TRIM42: variants seen among roughly 807,000 people sequenced by gnomAD.
The protein encoded by TRIM42 is tripartite motif-containing protein 42.
Under a neutral mutation model 64.9 loss-of-function variants are expected in TRIM42, and 59 were observed. The observed-to-expected ratio is 0.91, with a 90% CI of 0.74 to 1.13. TRIM42 has a LOEUF of 1.13. Ranked by LOEUF, TRIM42 falls within the 50% of genes most tolerant of loss-of-function variation. The pLI, the probability that TRIM42 is intolerant of heterozygous loss-of-function variation, is 0.00. For synonymous variants in TRIM42, 354 were observed against 346.3 expected (o/e 1.02, Z -0.25); for missense variants, 878 against 929.5 (o/e 0.94, Z 0.72).
intron 4 of TRIM42, 59 bp downstream of exon 4, chr3:140,691,251 G>A (rs1303587795): frequency 7.3e-7 from 1 of 1,371,250 alleles, no homozygotes; most frequent in Admixed American, 1.7e-5. Context: ...TCTGGATGAG[G>A]CCCTGTTAAG....
chr3:140,697,802 G>A (rs1024776393), intron 4 of TRIM42, among the ~76,000 whole-genome samples: 3 of 152,192 alleles, frequency 2.0e-5, no homozygotes, highest in African/African-American at 7.2e-5. Context: ...TCCTGCCTCA[G>A]CCTCCCTAGT....
In TRIM42 at chr3:140,688,219, G is replaced by A; in HGVS notation, c.1537G>A (p.Glu513Lys). ...SLPSPYPVHS[E>K]TMIARKVTFS... ...GCCCTCCCCCTACCCCGTGCACTCA[G>A]AAACAATGATTGCCAGGAAGGTCAC... is the stretch of plus-strand genomic sequence containing the variant. The change falls in exon 3 of 5, where the codon GAA (glutamate) becomes AAA (lysine). Residue 513 changes from glutamate (E) to lysine (K), a missense_variant. By Grantham distance (56) the Glu-to-Lys change is moderately conservative (BLOSUM62 1). Coordinates refer to ENST00000286349, the MANE Select transcript of TRIM42 (RefSeq NM_152616.5). The A allele has an allele frequency of 6.2e-7, 1 of 1,614,178 alleles. No individual in the cohort carries two copies. The highest frequency in any genetic ancestry group is 8.5e-7 in the Non-Finnish European group (1 of 1,180,034).
At position 140,678,143 on chromosome 3, in the gene TRIM42, G is replaced by T. The variant is rs1559933693; in HGVS notation, c.-87G>T. 8.2e-7 allele frequency: 1 copy of T among 1,222,662 alleles called. No homozygotes were observed. Among genetic ancestry groups the T allele is most frequent in the Non-Finnish European group, 1.2e-6 (1 of 852,060 alleles). 75.7% of individuals were successfully genotyped at this position (1,222,662 alleles called of 1,614,324 possible). ...TGACGGCCTCAGGAATGGGAGGAAG[G>T]ACTCCTCCACTGGAGAACTGATAGC... On this transcript the variant is annotated 5_prime_UTR_variant, in exon 1 of 5. Coordinates refer to ENST00000286349, the MANE Select transcript of TRIM42 (RefSeq NM_152616.5).
rs1324405816 is a variant in TRIM42 at position 140,682,928 on chromosome 3, G to A, written c.808G>A (p.Val270Met). 1.2e-6 allele frequency: 2 copies of A among 1,614,124 alleles called. No individual in the cohort carries two copies. Among genetic ancestry groups the A allele is most frequent in the Non-Finnish European group, 1.7e-6 (2 of 1,180,054 alleles). ...CTGCCTCAAGGCCTTCCACTCGGATGTGGCCATGCAAGACCACGTCTTTGT... is the reference window on the plus strand; with the variant it reads ...CTGCCTCAAGGCCTTCCACTCGGATATGGCCATGCAAGACCACGTCTTTGT... Reference protein sequence around the residue: ...NDCLKAFHSDVAMQDHVFVDT... With the variant: ...NDCLKAFHSDMAMQDHVFVDT... Residue 270 changes from valine to methionine, a missense_variant, in exon 2 of 5, where the codon GTG becomes ATG. Physicochemically the swap from Val to Met is conservative, Grantham distance 21. Transcript: ENST00000286349.
In TRIM42 at chr3:140,678,405, A is replaced by G; in HGVS notation, c.176A>G (p.Glu59Gly). Reference sequence around the variant, plus strand: ...CAGTTCTGCCACTGCACCTGTTCTGAGAGCCCCAACTGCCATTGGTGTTGC... The same window carrying G: ...CAGTTCTGCCACTGCACCTGTTCTGGGAGCCCCAACTGCCATTGGTGTTGC... ...NCQFCHCTCS[E>G]SPNCHWCCCS... The change falls in exon 1 of 5, where the codon GAG becomes GGG. Residue 59 changes from glutamate to glycine, a missense_variant. Glu to Gly is a moderately conservative substitution (Grantham distance 98). Transcript: ENST00000286349. 6.2e-7 allele frequency: 1 copy of G among 1,614,196 alleles called. No homozygotes were observed. Among genetic ancestry groups the G allele is most frequent in the South Asian group, 1.1e-5 (1 of 91,082 alleles).
At chr3:140,699,580 C>A (rs958021217) in intron 4 of TRIM42, among the ~76,000 whole-genome samples, 1 of 152,188 alleles carries the variant, frequency 6.6e-6, no homozygotes, top group Non-Finnish European at 1.5e-5. Flanking sequence ...ATTCACATAT[C>A]ACATACAGTC....
At chr3:140,686,229 T>C (rs1208500404) in intron 2 of TRIM42, among the ~76,000 whole-genome samples, 1 of 152,164 alleles carries the variant, frequency 6.6e-6, no homozygotes, top group Non-Finnish European at 1.5e-5. Context: ...AAGAAAATAA[T>C]GCGCAAAGTA....
intron 4 of TRIM42, among the ~76,000 whole-genome samples, chr3:140,695,070 T>A (rs1342228102): frequency 1.3e-5 from 2 of 151,666 alleles, no homozygotes; most frequent in African/African-American, 4.8e-5. Flanking sequence ...CATGGCAAAA[T>A]CCTGTCTCTA....
chr3:140,696,339 CTATGTTGT>C (rs1988849361), intron 4 of TRIM42, among the ~76,000 whole-genome samples: 1 of 152,220 alleles, frequency 6.6e-6, no homozygotes, highest in Admixed American at 6.5e-5. Context: ...TATGATCCAT[CTATGTTGT>C]TATGGGCATT....
chr3:140,688,284 G>T lies in TRIM42; in HGVS notation c.1602G>T (p.Gln534His). ...GCCTCGGCAACCAGCACATATACCA[G>T]CGAAGCTCCTCCATGTTGTCCTTCA... ...THSLGNQHIYQRSSSMLSFSN... is the reference protein window; with the variant it reads ...THSLGNQHIYHRSSSMLSFSN... Residue 534 changes from glutamine (Q) to histidine (H), a missense_variant, in exon 3 of 5, where the codon CAG becomes CAT. Transcript: ENST00000286349. The T allele has an allele frequency of 1.9e-6, 3 of 1,614,192 alleles. No individual in the cohort carries two copies. The highest frequency in any genetic ancestry group is 2.5e-6 in the Non-Finnish European group (3 of 1,180,034).
At chr3:140,696,970 A>G (rs1988868438) in intron 4 of TRIM42, among the ~76,000 whole-genome samples, 1 of 152,182 alleles carries the variant, frequency 6.6e-6, no homozygotes, top group South Asian at 2.1e-4. Flanking sequence ...TGGGTACTTA[A>G]TTTGACCACA....
intron 4 of TRIM42, among the ~76,000 whole-genome samples, chr3:140,697,531 TGTATGTAC>T (rs1988882629): frequency 6.6e-6 from 1 of 152,226 alleles, no homozygotes; most frequent in African/African-American, 2.4e-5. Flanking sequence ...ATCAAATGTA[TGTATGTAC>T]TCTGCCTATG....
intron 4 of TRIM42, among the ~76,000 whole-genome samples, chr3:140,693,890 G>T (rs1988784699): frequency 1.3e-5 from 2 of 152,118 alleles, no homozygotes; most frequent in Admixed American, 1.3e-4. Flanking sequence ...ATGTCAGATG[G>T]GGTATATTCA....
Position 140,681,657 on chromosome 3 carries a change from A to AT in TRIM42, c.342-805_342-804insT, listed in dbSNP as rs61628796. On this transcript the variant is annotated intron_variant, in intron 1 of 4. Coordinates refer to ENST00000286349, the MANE Select transcript of TRIM42 (RefSeq NM_152616.5). Reference sequence around the variant, plus strand: ...GTCAATGTCCTCCAGGAAAAAAAAAACACTGAGAACACACCTGTAGTTGGA... The same window carrying AT: ...GTCAATGTCCTCCAGGAAAAAAAAAATCACTGAGAACACACCTGTAGTTGGA... 2.0e-3 allele frequency among the ~76,000 whole-genome samples: 301 copies of AT among 151,808 alleles called. 2 individuals are homozygous for AT. The highest frequency in any genetic ancestry group is 0.014 in the Middle Eastern group (4 of 294).
rs1988599882 is a variant in TRIM42 at position 140,688,109 on chromosome 3, C to T, written c.1427C>T (p.Pro476Leu). 6.2e-7 allele frequency: 1 copy of T among 1,613,982 alleles called. No homozygotes were observed. Residue 476 changes from proline (P) to leucine (L), a missense_variant, in exon 3 of 5, where the codon CCC becomes CTC. By Grantham distance (98) the Pro-to-Leu change is moderately conservative. Transcript: ENST00000286349. Reference sequence around the variant, plus strand: ...CGGCTGCACTCAATAAACTACGTGCCCTTGGACTTTGTTGAGCTTTCCAGT... The same window carrying T: ...CGGCTGCACTCAATAAACTACGTGCTCTTGGACTTTGTTGAGCTTTCCAGT... ...QLRLHSINYV[P>L]LDFVELSSAI...
intron 1 of TRIM42, among the ~76,000 whole-genome samples, chr3:140,679,213 C>A (rs371147004): frequency 1.3e-5 from 2 of 152,146 alleles, no homozygotes; most frequent in Non-Finnish European, 2.9e-5. Flanking sequence ...TTTGACCCTG[C>A]GGACCATATA....
At chr3:140,689,499 G>A (rs1988650960) in intron 3 of TRIM42, among the ~76,000 whole-genome samples, 1 of 152,042 alleles carries the variant, frequency 6.6e-6, no homozygotes, top group African/African-American at 2.4e-5. Flanking sequence ...GGTTTCAAAG[G>A]GGCCTGAGAT....
intron 4 of TRIM42, among the ~76,000 whole-genome samples, chr3:140,694,434 A>G (rs956020999): frequency 2.0e-5 from 3 of 152,174 alleles, no homozygotes; most frequent in African/African-American, 7.2e-5. Context: ...TGTTGACCTC[A>G]GTTTCTTCCC....
intron 1 of TRIM42, among the ~76,000 whole-genome samples, chr3:140,678,995 T>C (rs1255274389): frequency 6.6e-6 from 1 of 152,096 alleles, no homozygotes; most frequent in Non-Finnish European, 1.5e-5. Context: ...AGAGTCAGGA[T>C]TGGAACCTAA....
Sources: gnomAD v4.1 joint callset for allele counts (sites outside exome capture counted in the v4.1 genomes callset) on GRCh38, gnomAD v4.1.1 for gene constraint, MANE v1.5 for transcripts, NCBI Gene and HGNC (gene_info 2026-07-23, HGNC 2026-07-21) for gene names.